Variants in CR1L observed in about 807,000 individuals in gnomAD.
The protein encoded by CR1L is complement component receptor 1-like protein.
Under a neutral mutation model 62.3 loss-of-function variants are expected in CR1L, and 59 were observed. The observed-to-expected ratio is 0.95, with a 90% CI of 0.77 to 1.18. The LOEUF (loss-of-function observed/expected upper bound fraction) is 1.18, where lower values mean the gene tolerates loss of function less well. Among genes scored for constraint, CR1L ranks in the 50% most tolerant of loss-of-function variants. The pLI is 0.00. For missense variants in CR1L, 700 were observed against 702.8 expected, an observed-to-expected ratio of 1.00 and a Z score of 0.04; for synonymous variants, 279 against 248.7, an observed-to-expected ratio of 1.12 and a Z score of -1.15.
chr1:207,652,746 TA>T, intron 1 of CR1L: 5 of 748,902 alleles, frequency 6.7e-6, no homozygotes, highest in Non-Finnish European at 1.2e-5. Context: ...GTAAATAAAC[TA>T]GCCTTTTTTT....
intron 1 of CR1L, among the ~76,000 whole-genome samples, chr1:207,662,716 A>T (rs1663444631): frequency 6.6e-6 from 1 of 152,028 alleles, no homozygotes; most frequent in African/African-American, 2.4e-5. Context: ...GGAGGAGGAG[A>T]AGCGCTCTGA....
chr1:207,684,655 A>G (rs1055386444), intron 4 of CR1L, among the ~76,000 whole-genome samples: 1 of 152,212 alleles, frequency 6.6e-6, no homozygotes, highest in African/African-American at 2.4e-5. Context: ...ATACACTGGC[A>G]TGGTATTCAG....
chr1:207,692,618 A>G (rs1317568390), intron 4 of CR1L, among the ~76,000 whole-genome samples: 1 of 151,946 alleles, frequency 6.6e-6, no homozygotes, highest in Admixed American at 6.5e-5. Context: ...CTTTAAACTC[A>G]CCAATTAGAA....
In CR1L at chr1:207,645,283, C is replaced by G. The variant is rs199869867; in HGVS notation, c.50C>G (p.Pro17Arg). 1 of 1,613,974 alleles carries G rather than the reference C, an allele frequency of 6.2e-7. No homozygotes were observed. The highest frequency in any genetic ancestry group is 8.5e-7 in the Non-Finnish European group (1 of 1,180,024). The stretch of plus-strand genomic sequence containing the variant: ...CGTCCCTTTCCTTCCCGGCGCTTTC[C>G]TGGGTTGCTTCTGGCGGCCCTGGTG... The part of the protein sequence containing the change: ...LERPFPSRRF[P>R]GLLLAALVLL... Residue 17 changes from proline (P) to arginine (R), a missense_variant, in exon 1 of 12, where the codon CCT (proline) becomes CGT (arginine). By Grantham distance (103) the Pro-to-Arg change is moderately radical. Coordinates refer to ENST00000508064, the MANE Select transcript of CR1L (RefSeq NM_175710.2).
intron 1 of CR1L, among the ~76,000 whole-genome samples, chr1:207,665,896 C>T (rs910170545): frequency 6.6e-6 from 1 of 152,114 alleles, no homozygotes; most frequent in South Asian, 2.1e-4. Context: ...AGGCAGTATT[C>T]GGGAATGTTT....
At chr1:207,686,719 A>T (rs116152900) in intron 4 of CR1L, among the ~76,000 whole-genome samples, 2,692 of 152,264 alleles carry the variant, frequency 0.018, 69 homozygotes, top group African/African-American at 0.061. Context: ...TAGTATATTC[A>T]TAAAGTTGTA....
intron 1 of CR1L, 137 bp downstream of exon 1, chr1:207,645,467 G>T: frequency 1.0e-6 from 1 of 970,264 alleles, no homozygotes; most frequent in Non-Finnish European, 1.6e-6. Context: ...GTTCTCCGAG[G>T]GGTGCCGTGC....
chr1:207,695,586 C>G (rs1308753249), intron 5 of CR1L, among the ~76,000 whole-genome samples: 2 of 152,292 alleles, frequency 1.3e-5, no homozygotes, highest in South Asian at 4.1e-4. Context: ...ACTCTAGATA[C>G]TTTCAAGGAG....
intron 11 of CR1L, among the ~76,000 whole-genome samples, chr1:207,721,437 C>G (rs988951913): frequency 1.3e-5 from 2 of 149,510 alleles, no homozygotes. Context: ...TGAGAATATG[C>G]GGTGTTTGGT....
intron 1 of CR1L, among the ~76,000 whole-genome samples, chr1:207,650,316 T>C (rs1208666862): frequency 6.6e-6 from 1 of 152,156 alleles, no homozygotes; most frequent in Non-Finnish European, 1.5e-5. Context: ...GAGGACAAGC[T>C]GAAAACCAGA....
At chr1:207,649,065 G>A (rs531711025) in intron 1 of CR1L, among the ~76,000 whole-genome samples, 11 of 152,146 alleles carry the variant, frequency 7.2e-5, no homozygotes, top group African/African-American at 2.2e-4. Flanking sequence ...TCAAAAACAC[G>A]TGATAATTAC....
In CR1L at chr1:207,683,962, G is replaced by C; in HGVS notation, c.463+5G>C. Reference sequence around the variant, plus strand: ...ATAAAACACCTGTTTGTGACAGTGAGTTGAAATATGCATTCCTATTTCTTT... The same window carrying C: ...ATAAAACACCTGTTTGTGACAGTGACTTGAAATATGCATTCCTATTTCTTT... On this transcript the variant is annotated splice_donor_5th_base_variant and intron_variant, in intron 4 of 11. Transcript: ENST00000508064. 1 of 1,608,798 alleles carries C rather than the reference G, an allele frequency of 6.2e-7. No individual in the cohort carries two copies.
At chr1:207,691,779 C>A (rs1468141311) in intron 4 of CR1L, among the ~76,000 whole-genome samples, 1 of 152,114 alleles carries the variant, frequency 6.6e-6, no homozygotes, top group African/African-American at 2.4e-5. Context: ...TATTTAATTC[C>A]ATTTGTGTCC....
chr1:207,652,750 C>CT (rs59228006), intron 1 of CR1L: 220,725 of 646,786 alleles, frequency 0.34, 17,732 homozygotes, highest in African/African-American at 0.39. Context: ...ATAAACTAGC[C>CT]TTTTTTTTTT....
In CR1L at chr1:207,656,239, A is replaced by AAATCAATC. The variant is rs34072066; in HGVS notation, c.97+10931_97+10938dup. On this transcript the variant is annotated intron_variant, in intron 1 of 11. Transcript: ENST00000508064. ...GGCGACAGAGCGAGATTCCGTCTCA[A>AAATCAATC]AATCAATCAATCAATCAATCAATCA... 1.5e-3 allele frequency among the ~76,000 whole-genome samples: 228 copies of AAATCAATC among 151,718 alleles called. 1 individual carries two copies. Among genetic ancestry groups the AAATCAATC allele is most frequent in the African/African-American group, 4.0e-3 (165 of 41,354 alleles).
chr1:207,707,187 G>A (rs1664280498), intron 9 of CR1L, among the ~76,000 whole-genome samples: 1 of 152,148 alleles, frequency 6.6e-6, no homozygotes, highest in Non-Finnish European at 1.5e-5. Context: ...TATAGTAAGG[G>A]GAGGGAAGGA....
intron 4 of CR1L, among the ~76,000 whole-genome samples, chr1:207,684,555 C>T (rs1369248197): frequency 1.3e-5 from 2 of 152,058 alleles, no homozygotes; most frequent in Non-Finnish European, 2.9e-5. Context: ...AAATAATCTA[C>T]TAGTAGGAAA....
intron 1 of CR1L, among the ~76,000 whole-genome samples, chr1:207,650,408 G>A (rs903304731): frequency 2.6e-5 from 4 of 152,172 alleles, no homozygotes; most frequent in East Asian, 1.9e-4. Context: ...TAGCTCTCAC[G>A]TTATCAAGAG....
At chr1:207,686,080 C>T (rs1663899393) in intron 4 of CR1L, among the ~76,000 whole-genome samples, 2 of 77,180 alleles carry the variant, frequency 2.6e-5, no homozygotes, top group Admixed American at 1.2e-4. Context: ...TCCTTTCTCC[C>T]TCCCTTCCTC....
Sources: allele counts gnomAD v4.1 joint callset (sites outside exome capture counted in the v4.1 genomes callset), GRCh38; gene constraint gnomAD v4.1.1; transcripts MANE v1.5; gene names NCBI Gene and HGNC (gene_info 2026-07-23, HGNC 2026-07-21).